The following PCSK6 variants were observed in gnomAD, a reference collection of about 807,000 sequenced individuals.
The protein encoded by PCSK6 is proprotein convertase subtilisin/kexin type 6, also known as paired basic amino acid cleaving enzyme 4.
PCSK6 carries 85 observed loss-of-function variants against 123.3 expected under a neutral mutation model. That is an observed-to-expected ratio of 0.69 (90% CI 0.58 to 0.83). The LOEUF (loss-of-function observed/expected upper bound fraction) is 0.83. PCSK6 is among the 40% of genes least tolerant of loss of function. The probability of loss-of-function intolerance (pLI) is 0.00; values close to 1 mark genes in which losing one functional copy is unlikely to be tolerated. For missense variants in PCSK6, 1,191 were observed against 1,282.3 expected (o/e 0.93, Z 1.09); for synonymous variants, 508 against 516.0 (o/e 0.98, Z 0.21).
chr15:101,398,738 C>T lies in PCSK6; in HGVS notation c.824-162G>A, dbSNP rs1173905429. 6.6e-6 allele frequency among the ~76,000 whole-genome samples: 1 copy of T among 152,190 alleles called. No individual in the cohort carries two copies. The highest frequency in any genetic ancestry group is 2.4e-5 in the African/African-American group (1 of 41,432). ...GCAAAACTGGCTCCTCTTCTCCATG[C>T]TGGCTGATGTGAAAGAACTCAGGCC... is the stretch of plus-strand genomic sequence containing the variant. On this transcript the variant is annotated intron_variant, in intron 6 of 21. Coordinates refer to ENST00000611716, the MANE Select transcript of PCSK6 (RefSeq NM_002570.5). This position sits in a 1 kb window ranked among gnomAD's most constrained non-coding sequence, Gnocchi z 4.6.
At chr15:101,420,374 T>A (rs567259747) in intron 6 of PCSK6, among the ~76,000 whole-genome samples, 1 of 152,222 alleles carries the variant, frequency 6.6e-6, no homozygotes, top group South Asian at 2.1e-4. Flanking sequence ...TTTACTTTGT[T>A]TTTTTGAGAC....
Position 101,398,270 on chromosome 15 carries a change from G to A in PCSK6, c.996+134C>T, listed in dbSNP as rs758615727. ...CTCCCCGAGTGACTCCTCCACACTG[G>A]CCCTGGCACCTGTCACAGCAGAGTC... On this transcript the variant is annotated intron_variant, in intron 7 of 21. Coordinates refer to ENST00000611716, the MANE Select transcript of PCSK6 (RefSeq NM_002570.5). The surrounding 1 kb of genome is among the most constrained non-coding windows in gnomAD (Gnocchi z 4.6). 4 of 1,105,570 alleles carry A rather than the reference G, an allele frequency of 3.6e-6. No homozygotes were observed. The highest frequency in any genetic ancestry group is 2.6e-6 in the Non-Finnish European group (2 of 781,354). 68.5% of individuals were successfully genotyped at this position (1,105,570 alleles called of 1,614,324 possible). A position where few individuals can be genotyped will look rare whatever the true frequency, so the allele number is the denominator to read the frequency against.
At chr15:101,414,442 G>A (rs1438992495) in intron 6 of PCSK6, among the ~76,000 whole-genome samples, 4 of 152,154 alleles carry the variant, frequency 2.6e-5, no homozygotes, top group Admixed American at 2.6e-4. Flanking sequence ...GATGCATGAT[G>A]TAAACTTGTT....
intron 6 of PCSK6, among the ~76,000 whole-genome samples, chr15:101,405,422 G>A (rs892387627): frequency 2.0e-4 from 31 of 152,160 alleles, no homozygotes; most frequent in Non-Finnish European, 3.2e-4. Context: ...GGCGGGAGGA[G>A]TGTTGAGTGG....
rs138024559 is a variant in PCSK6, at chr15:101,375,772, C to T, written c.1533-5249G>A. Among the ~76,000 whole-genome samples the T allele has an allele frequency of 3.8e-3, 585 of 152,260 alleles. 3 individuals are homozygous for T. The highest frequency in any genetic ancestry group is 0.013 in the African/African-American group (537 of 41,544). ...ATTTCTGGCCAGGTGTGGTGGCTCACGGCTGCAATCCCAGCACTTTGAGAG... is the reference window on the plus strand; with the variant it reads ...ATTTCTGGCCAGGTGTGGTGGCTCATGGCTGCAATCCCAGCACTTTGAGAG... On this transcript the variant is annotated intron_variant, in intron 11 of 21. Transcript: ENST00000611716.
chr15:101,340,596 A>G (rs2141386592), intron 13 of PCSK6, among the ~76,000 whole-genome samples: 1 of 152,294 alleles, frequency 6.6e-6, no homozygotes. Flanking sequence ...ACCTCTTTTT[A>G]ACACTTTGAG....
At chr15:101,324,772 T>A (rs775384950) in intron 17 of PCSK6, 78 bp downstream of exon 17, 4 of 1,222,262 alleles carry the variant, frequency 3.3e-6, no homozygotes, top group Non-Finnish European at 4.6e-6. Flanking sequence ...GCTGGGAAAT[T>A]CTCCCTGGAG....
In PCSK6 at chr15:101,372,512, G is replaced by C. The variant is rs116506415; in HGVS notation, c.1533-1989C>G. 3.3e-3 allele frequency among the ~76,000 whole-genome samples: 508 copies of C among 152,340 alleles called. 2 individuals are homozygous for C. Among genetic ancestry groups the C allele is most frequent in the African/African-American group, 0.011 (472 of 41,576 alleles). On this transcript the variant is annotated intron_variant, in intron 11 of 21. Coordinates refer to ENST00000611716, the MANE Select transcript of PCSK6 (RefSeq NM_002570.5). ...TGCCTTCTCCCAAGCTTTACTGCTA[G>C]TGTTTACTGGCCAGCAGCCCCCGCT...
At chr15:101,334,396 G>C (rs2040431457) in intron 13 of PCSK6, 1 of 96,932 alleles carries the variant, frequency 1.0e-5, no homozygotes, top group African/African-American at 4.1e-5. Flanking sequence ...CACCGCTGCA[G>C]CAGTGACACA....
At chr15:101,427,489 G>A (rs1267579902) in intron 6 of PCSK6, among the ~76,000 whole-genome samples, 1 of 152,232 alleles carries the variant, frequency 6.6e-6, no homozygotes, top group African/African-American at 2.4e-5. Flanking sequence ...GCAGGCTTGA[G>A]TGGGAGTCAG....
intron 11 of PCSK6, among the ~76,000 whole-genome samples, chr15:101,377,999 A>G (rs1191263883): frequency 2.0e-5 from 3 of 152,216 alleles, no homozygotes; most frequent in Admixed American, 6.5e-5. Context: ...GGAGTCATGC[A>G]TATCATACAC....
intron 11 of PCSK6, among the ~76,000 whole-genome samples, chr15:101,372,205 C>T (rs985078962): frequency 1.3e-5 from 2 of 152,160 alleles, no homozygotes; most frequent in Admixed American, 6.5e-5. Flanking sequence ...GACCCACCGC[C>T]GCCCAGCAGC....
chr15:101,313,329 C>G, intron 20 of PCSK6, 47 bp downstream of exon 20: 1 of 1,612,440 alleles, frequency 6.2e-7, no homozygotes, highest in Non-Finnish European at 8.5e-7. Context: ...CCAGGCACTC[C>G]TTTGCTGGAC....
chr15:101,397,252 A>G (rs2042439934), intron 7 of PCSK6, among the ~76,000 whole-genome samples: 1 of 152,118 alleles, frequency 6.6e-6, no homozygotes, highest in South Asian at 2.1e-4. Context: ...GATATTACTT[A>G]GAGAAAGGAA....
At chr15:101,447,284 C>T (rs1172578021) in intron 1 of PCSK6, among the ~76,000 whole-genome samples, 2 of 152,112 alleles carry the variant, frequency 1.3e-5, no homozygotes, top group African/African-American at 2.4e-5. Context: ...CCCAGGCTCA[C>T]GCAGGGTCAC....
intron 16 of PCSK6, among the ~76,000 whole-genome samples, chr15:101,325,843 G>T (rs549964298): frequency 9.9e-5 from 15 of 152,210 alleles, no homozygotes; most frequent in Non-Finnish European, 1.5e-4. Context: ...ATATACGTGG[G>T]GTCCCAGGTC....
At chr15:101,373,236 G>A (rs2041636903) in intron 11 of PCSK6, among the ~76,000 whole-genome samples, 1 of 151,996 alleles carries the variant, frequency 6.6e-6, no homozygotes, top group Non-Finnish European at 1.5e-5. Context: ...CTGGGGGCGG[G>A]AGCACCCAGC....
intron 13 of PCSK6, among the ~76,000 whole-genome samples, chr15:101,357,701 G>C (rs900783105): frequency 5.9e-5 from 9 of 152,240 alleles, no homozygotes; most frequent in African/African-American, 2.2e-4. Context: ...GTCTTATTGC[G>C]AACAATGCCT....
At chr15:101,465,701 G>C (rs2057443061) in intron 1 of PCSK6, among the ~76,000 whole-genome samples, 1 of 151,916 alleles carries the variant, frequency 6.6e-6, no homozygotes, top group Non-Finnish European at 1.5e-5. Flanking sequence ...GGGGGACATT[G>C]GTAATGATCT....
Sources: gnomAD v4.1 joint callset for allele counts (sites outside exome capture counted in the v4.1 genomes callset) on GRCh38, gnomAD v4.1.1 for gene constraint, Gnocchi (gnomAD v3.1) non-coding constraint, MANE v1.5 for transcripts, NCBI Gene and HGNC (gene_info 2026-07-23, HGNC 2026-07-21) for gene names.